Variants in NRG1 observed in about 807,000 individuals in gnomAD.
The protein encoded by NRG1 is neuregulin 1.
Under a neutral mutation model 63.8 loss-of-function variants are expected in NRG1, and 18 were observed. That is an observed-to-expected ratio of 0.28 (90% CI 0.19 to 0.42). The LOEUF is 0.42. Ranked by LOEUF, NRG1 falls within the 10% of genes least tolerant of loss-of-function variation. The pLI, the probability that NRG1 is intolerant of heterozygous loss-of-function variation, is 1.00. For missense variants in NRG1, 762 were observed against 814.7 expected (o/e 0.94, Z 0.79); for synonymous variants, 302 against 301.3 (o/e 1.00, Z -0.02).
At chr8:32,353,288 A>G (rs936020608) in intron 1 of NRG1, among the ~76,000 whole-genome samples, 3 of 150,730 alleles carry the variant, frequency 2.0e-5, no homozygotes, top group African/African-American at 7.3e-5. Flanking sequence ...TAATTTAAAT[A>G]AAATAATAAT....
chr8:32,116,972 A>C (rs933919179), intron 1 of NRG1, among the ~76,000 whole-genome samples: 6 of 105,780 alleles, frequency 5.7e-5, no homozygotes, highest in Admixed American at 8.8e-5. Flanking sequence ...CTGTCTCTAC[A>C]AAAAAAAAAA....
In NRG1 at chr8:31,887,724, T is replaced by C. The variant is rs117783675; in HGVS notation, c.37+248293T>C. On this transcript the variant is annotated intron_variant, in intron 1 of 10. Transcript: ENST00000519301. Reference sequence around the variant, plus strand: ...GAAAGATGGCTGTAAGGATCTTTAATGATAGGAGTCAAATATATGAGAGAT... The same window carrying C: ...GAAAGATGGCTGTAAGGATCTTTAACGATAGGAGTCAAATATATGAGAGAT... 3.9e-3 allele frequency among the ~76,000 whole-genome samples: 589 copies of C among 152,208 alleles called. 1 individual carries two copies. The highest frequency in any genetic ancestry group is 0.024 in the Middle Eastern group (7 of 294).
intron 1 of NRG1, among the ~76,000 whole-genome samples, chr8:32,567,968 A>T (rs1173215540): frequency 6.6e-6 from 1 of 152,148 alleles, no homozygotes; most frequent in Non-Finnish European, 1.5e-5. Flanking sequence ...AAGTGACTGG[A>T]CTCCAGTAAT....
At chr8:32,606,859 C>A (rs898194350) in intron 3 of NRG1, among the ~76,000 whole-genome samples, 2 of 152,012 alleles carry the variant, frequency 1.3e-5, no homozygotes. Flanking sequence ...AGGGTTAATT[C>A]TATGGGAGGC....
chr8:32,155,005 A>G (rs978261865), intron 1 of NRG1, among the ~76,000 whole-genome samples: 4 of 152,202 alleles, frequency 2.6e-5, no homozygotes, highest in African/African-American at 9.6e-5. Context: ...GACTTGCCAA[A>G]ATTCACATCA....
chr8:32,236,851 C>T (rs1847614598), intron 1 of NRG1, among the ~76,000 whole-genome samples: 1 of 152,150 alleles, frequency 6.6e-6, no homozygotes, highest in Admixed American at 6.6e-5. Flanking sequence ...AGATGCAGCC[C>T]TGTGAGAAAC....
intron 1 of NRG1, among the ~76,000 whole-genome samples, chr8:32,006,473 T>C (rs1423674409): frequency 2.6e-5 from 4 of 152,004 alleles, no homozygotes; most frequent in Admixed American, 1.3e-4. Context: ...CCTGAAAGGG[T>C]AGGGTATTCC....
chr8:32,232,280 G>T (rs1847039534), intron 1 of NRG1, among the ~76,000 whole-genome samples: 1 of 152,132 alleles, frequency 6.6e-6, no homozygotes, highest in South Asian at 2.1e-4. Flanking sequence ...GTAGTTCTAG[G>T]AAGTTCATGG....
At chr8:32,231,552 T>C (rs1431889883) in intron 1 of NRG1, among the ~76,000 whole-genome samples, 1 of 152,202 alleles carries the variant, frequency 6.6e-6, no homozygotes, top group East Asian at 1.9e-4. Context: ...TCAAATCTTC[T>C]GATTTTTCTA....
intron 7 of NRG1, chr8:32,749,662 T>TA: frequency 7.3e-7 from 1 of 1,366,452 alleles, no homozygotes; most frequent in East Asian, 2.3e-5. Flanking sequence ...TTCCTACTCT[T>TA]ACCTTTCAGT....
upstream of NRG1, among the ~76,000 whole-genome samples, chr8:32,544,145 A>G (rs1832833284): frequency 6.6e-6 from 1 of 152,082 alleles, no homozygotes; most frequent in Admixed American, 6.6e-5. Context: ...GTCAAGTACC[A>G]TTGCTGTAAT....
At chr8:31,666,634 G>C (rs1806572248) in intron 1 of NRG1, among the ~76,000 whole-genome samples, 1 of 152,202 alleles carries the variant, frequency 6.6e-6, no homozygotes. Flanking sequence ...TATCAAAAGT[G>C]AATATGGGTT....
At chr8:32,752,946 A>G (rs978332332) in intron 7 of NRG1, among the ~76,000 whole-genome samples, 1 of 152,202 alleles carries the variant, frequency 6.6e-6, no homozygotes, top group Non-Finnish European at 1.5e-5. Context: ...TTTCATGATA[A>G]GGTCCACTGT....
At chr8:32,753,699 AT>A (rs1188901195) in intron 7 of NRG1, among the ~76,000 whole-genome samples, 3 of 152,144 alleles carry the variant, frequency 2.0e-5, no homozygotes, top group Non-Finnish European at 4.4e-5. Context: ...CTCATATTGT[AT>A]TGCTTCTTGT....
intron 1 of NRG1, among the ~76,000 whole-genome samples, chr8:32,130,067 A>G (rs954859408): frequency 1.3e-5 from 2 of 151,954 alleles, no homozygotes; most frequent in Non-Finnish European, 2.9e-5. Context: ...GTTGCCATTG[A>G]AAGACGGCAG....
At chr8:31,834,989 T>C (rs1472075419) in intron 1 of NRG1, among the ~76,000 whole-genome samples, 3 of 152,234 alleles carry the variant, frequency 2.0e-5, no homozygotes, top group Admixed American at 1.3e-4. Flanking sequence ...ATGTTTTCTA[T>C]CTTATAGTCT....
intron 1 of NRG1, among the ~76,000 whole-genome samples, chr8:32,314,660 T>C (rs60559257): frequency 0.18 from 26,874 of 152,174 alleles, 2,657 homozygotes; most frequent in South Asian, 0.23. Context: ...TCCTTCATAA[T>C]AGAAATGCTA....
chr8:32,636,184 G>T (rs57137366), intron 5 of NRG1, among the ~76,000 whole-genome samples: 1 of 151,388 alleles, frequency 6.6e-6, no homozygotes, highest in African/African-American at 2.4e-5. Context: ...AAGTTAAGCC[G>T]TTCCTTTCTT....
At chr8:32,733,266 T>A (rs1296793977) in intron 6 of NRG1, among the ~76,000 whole-genome samples, 1 of 152,168 alleles carries the variant, frequency 6.6e-6, no homozygotes, top group African/African-American at 2.4e-5. Flanking sequence ...CAAACTAAAT[T>A]TGGAAAGATG....
Sources: gnomAD v4.1 joint callset for allele counts (sites outside exome capture counted in the v4.1 genomes callset) on GRCh38, gnomAD v4.1.1 for gene constraint, MANE v1.5 for transcripts, NCBI Gene and HGNC (gene_info 2026-07-23, HGNC 2026-07-21) for gene names.